The following GPR158 variants were observed in gnomAD, a reference collection of about 807,000 sequenced individuals.
GPR158 encodes metabotropic glycine receptor.
GPR158 carries 30 observed loss-of-function variants against 78.2 expected under a neutral mutation model. That is an observed-to-expected ratio of 0.38 (90% CI 0.29 to 0.52). GPR158 has a LOEUF of 0.52. Ranked by LOEUF, GPR158 falls within the 20% of genes least tolerant of loss-of-function variation. The probability of loss-of-function intolerance (pLI) is 0.83; values close to 1 mark genes in which losing one functional copy is unlikely to be tolerated. For missense variants in GPR158, 1,463 were observed against 1,523.5 expected, an observed-to-expected ratio of 0.96 and a Z score of 0.66; for synonymous variants, 581 against 591.1, an observed-to-expected ratio of 0.98 and a Z score of 0.25.
intron 2 of GPR158, among the ~76,000 whole-genome samples, chr10:25,360,233 G>C (rs560362469): frequency 1.7e-4 from 26 of 152,232 alleles, no homozygotes; most frequent in African/African-American, 6.0e-4. Flanking sequence ...AGTTTCTTTT[G>C]CTGTGCAGTT....
intron 2 of GPR158, among the ~76,000 whole-genome samples, chr10:25,306,782 A>G (rs964315666): frequency 6.6e-6 from 1 of 152,166 alleles, no homozygotes; most frequent in Non-Finnish European, 1.5e-5. Context: ...TCAAGCATAT[A>G]ATCCTCCTCC....
chr10:25,475,528 A>G (rs1449638703), intron 5 of GPR158: 1 of 152,090 alleles, frequency 6.6e-6, no homozygotes. Flanking sequence ...GCGAAGAATA[A>G]CCTGGTTGTT....
At chr10:25,549,684 A>G (rs1451164428) in intron 5 of GPR158, among the ~76,000 whole-genome samples, 2 of 151,956 alleles carry the variant, frequency 1.3e-5, no homozygotes, top group Admixed American at 1.3e-4. Flanking sequence ...TCTCCTTAAC[A>G]CTTTTGTCCG....
intron 7 of GPR158, among the ~76,000 whole-genome samples, chr10:25,588,039 A>AACCCATT (rs2130746881): frequency 6.6e-6 from 1 of 152,334 alleles, no homozygotes; most frequent in East Asian, 1.9e-4. Context: ...GGTTGTATAG[A>AACCCATT]TTATCACTCA....
At chr10:25,436,882 T>C (rs1401677426) in intron 4 of GPR158, among the ~76,000 whole-genome samples, 5 of 152,090 alleles carry the variant, frequency 3.3e-5, no homozygotes, top group African/African-American at 1.2e-4. Context: ...AAAGAAGACA[T>C]TTGAAACAAT....
At chr10:25,346,957 TAC>T (rs1191677912) in intron 2 of GPR158, among the ~76,000 whole-genome samples, 1 of 152,012 alleles carries the variant, frequency 6.6e-6, no homozygotes, top group Non-Finnish European at 1.5e-5. Flanking sequence ...TTGGAAATGT[TAC>T]TTTACCTCCA....
At chr10:25,215,139 A>G (rs1435976546) in intron 1 of GPR158, among the ~76,000 whole-genome samples, 2 of 152,232 alleles carry the variant, frequency 1.3e-5, no homozygotes, top group Non-Finnish European at 2.9e-5. Context: ...ATGAATGGCT[A>G]AACAAAATGT....
chr10:25,480,434 T>G (rs1057385442), intron 5 of GPR158, among the ~76,000 whole-genome samples: 4 of 152,308 alleles, frequency 2.6e-5, no homozygotes, highest in African/African-American at 9.6e-5. Context: ...TATTATCGAT[T>G]TCCAAAACTT....
intron 2 of GPR158, among the ~76,000 whole-genome samples, chr10:25,268,214 T>C (rs1412034698): frequency 6.6e-6 from 1 of 152,158 alleles, no homozygotes. Flanking sequence ...CTCGTTATCC[T>C]ATTGATAGGA....
At chr10:25,195,127 A>AT (rs1852826886) in intron 1 of GPR158, among the ~76,000 whole-genome samples, 1 of 151,026 alleles carries the variant, frequency 6.6e-6, no homozygotes, top group African/African-American at 2.4e-5. Flanking sequence ...CACCCATTGG[A>AT]GTTGCTAATT....
intron 4 of GPR158, among the ~76,000 whole-genome samples, chr10:25,446,083 A>G (rs1035723557): frequency 6.6e-6 from 1 of 152,144 alleles, no homozygotes; most frequent in African/African-American, 2.4e-5. Context: ...GACTCCTATC[A>G]TGTATCACCA....
In GPR158 at chr10:25,561,824, G is replaced by A. The variant is rs371140813; in HGVS notation, c.1514+10739G>A. 2.0e-5 allele frequency among the ~76,000 whole-genome samples: 3 copies of A among 152,036 alleles called. No individual in the cohort carries two copies. In the South Asian group the frequency reaches 6.2e-4, roughly 32 times the overall value. ...CCTCAGTCTTTTCTTACAGATCTAC[G>A]ATTACACAATGAACTCTGATGAATA... On this transcript the variant is annotated intron_variant, in intron 6 of 10. Coordinates refer to ENST00000376351, the MANE Select transcript of GPR158 (RefSeq NM_020752.3).
At chr10:25,574,061 C>G (rs1442606238) in intron 7 of GPR158, among the ~76,000 whole-genome samples, 1 of 144,652 alleles carries the variant, frequency 6.9e-6, no homozygotes, top group Non-Finnish European at 1.5e-5. Context: ...ATTTTATGCT[C>G]TCAGTGCAGG....
chr10:25,298,640 GGTT>G (rs1854549571), intron 2 of GPR158, among the ~76,000 whole-genome samples: 1 of 152,072 alleles, frequency 6.6e-6, no homozygotes, highest in African/African-American at 2.4e-5. Context: ...TTAAAAGGTG[GGTT>G]GTTCAAATTT....
chr10:25,431,426 T>G (rs1465605880), intron 4 of GPR158, among the ~76,000 whole-genome samples: 1 of 146,368 alleles, frequency 6.8e-6, no homozygotes, highest in Admixed American at 6.9e-5. Context: ...GTAAACTAGT[T>G]CACCCATTGT....
At chr10:25,373,269 G>A (rs1834028028) in intron 2 of GPR158, among the ~76,000 whole-genome samples, 1 of 151,834 alleles carries the variant, frequency 6.6e-6, no homozygotes, top group African/African-American at 2.4e-5. Flanking sequence ...GGAAGCAACA[G>A]ACACTGGGGC....
intron 1 of GPR158, among the ~76,000 whole-genome samples, chr10:25,198,792 C>G (rs1280045799): frequency 6.6e-6 from 1 of 151,908 alleles, no homozygotes; most frequent in African/African-American, 2.4e-5. Context: ...ATCAATGGGC[C>G]AAGTATGTTT....
intron 6 of GPR158, among the ~76,000 whole-genome samples, chr10:25,570,379 G>T (rs991203427): frequency 6.6e-6 from 1 of 152,028 alleles, no homozygotes; most frequent in Non-Finnish European, 1.5e-5. Context: ...TTGAAATAAG[G>T]CCTCTTTTTG....
chr10:25,198,822 A>T lies in GPR158; in HGVS notation c.903-22230A>T, dbSNP rs567065155. ...ATGTTTGGTTGTCGGATGGTCTATG[A>T]TTAGTATTAATATAACTAACAACTT... On this transcript the variant is annotated intron_variant, in intron 1 of 10. Transcript: ENST00000376351. Among the ~76,000 whole-genome samples the T allele has an allele frequency of 7.9e-5, 12 of 152,170 alleles. 1 individual carries two copies. In the South Asian group the frequency reaches 2.5e-3, roughly 32 times the overall value.
Sources: gnomAD v4.1 joint callset for allele counts (sites outside exome capture counted in the v4.1 genomes callset) on GRCh38, gnomAD v4.1.1 for gene constraint, MANE v1.5 for transcripts, NCBI Gene and HGNC (gene_info 2026-07-23, HGNC 2026-07-21) for gene names.